HMCN2: variants seen among roughly 807,000 people sequenced by gnomAD.
The protein encoded by HMCN2 is hemicentin 2, also known as hemicentin-2.
HMCN2 carries 325 observed loss-of-function variants against 377.5 expected under a neutral mutation model. The observed-to-expected ratio is 0.86, with a 90% CI of 0.79 to 0.94. The LOEUF (loss-of-function observed/expected upper bound fraction) is 0.94. HMCN2 is among the 40% of genes least tolerant of loss of function. HMCN2 has a pLI of 0.00. For synonymous variants in HMCN2, 2,007 were observed against 2,046.8 expected (o/e 0.98, Z 0.53); for missense variants, 4,543 against 4,725.3 (o/e 0.96, Z 1.13).
chr9:130,352,828 G>T, intron 30 of HMCN2, 99 bp from the exon 31 acceptor site: 1 of 1,000,684 alleles, frequency 1.0e-6, no homozygotes, highest in South Asian at 1.7e-5. Context: ...GAAGCCTGTG[G>T]TGTGTCTTGT....
At chr9:130,319,282 C>T (rs1837724258) in intron 15 of HMCN2, among the ~76,000 whole-genome samples, 1 of 152,180 alleles carries the variant, frequency 6.6e-6, no homozygotes. Flanking sequence ...ACCCCACGCA[C>T]CATCCCACGA....
intron 4 of HMCN2, among the ~76,000 whole-genome samples, chr9:130,291,058 C>A (rs1001270776): frequency 2.0e-5 from 3 of 152,142 alleles, no homozygotes; most frequent in Non-Finnish European, 4.4e-5. Context: ...CAATCACAGA[C>A]CTTTTTCTAC....
At chr9:130,424,580 A>G (rs1844219359) in intron 87 of HMCN2, among the ~76,000 whole-genome samples, 196 bp from the exon 88 acceptor site, 1 of 152,206 alleles carries the variant, frequency 6.6e-6, no homozygotes, top group African/African-American at 2.4e-5. Context: ...TACTCCAGGA[A>G]GTAGATTATT....
chr9:130,425,949 C>T, intron 90 of HMCN2, 25 bp downstream of exon 90: 1 of 1,500,036 alleles, frequency 6.7e-7, no homozygotes, highest in Non-Finnish European at 9.0e-7. Flanking sequence ...CTTTGTTCCA[C>T]CCCCACTGCC....
intron 4 of HMCN2, among the ~76,000 whole-genome samples, chr9:130,290,805 A>G (rs1835706694): frequency 6.6e-6 from 1 of 150,894 alleles, no homozygotes; most frequent in Admixed American, 6.6e-5. Flanking sequence ...AATTCTTGTC[A>G]CGTGATAGTT....
rs891731485 is a variant in HMCN2 at position 130,351,067 on chromosome 9, G to A, written c.4431-356G>A. On this transcript the variant is annotated intron_variant, in intron 29 of 97. Transcript: ENST00000683500. The surrounding 1 kb of genome is among the most constrained non-coding windows in gnomAD (Gnocchi z 5.4). ...TCTCCCCAGCCCCTGGCAACCACAA[G>A]CCTGCTTTCCTTCTCTATGGACGTG... 4.6e-5 allele frequency among the ~76,000 whole-genome samples: 7 copies of A among 152,258 alleles called. No individual in the cohort carries two copies. The East Asian group carries it at 1.4e-3, about 29-fold the overall frequency.
chr9:130,430,527 C>T lies in HMCN2; in HGVS notation c.14570C>T (p.Pro4857Leu), dbSNP rs1329518223. 40 of 1,550,502 alleles carry T rather than the reference C, an allele frequency of 2.6e-5. No individual in the cohort carries two copies. Among genetic ancestry groups the T allele is most frequent in the East Asian group, 1.7e-4 (7 of 40,938 alleles). ...TACCACGCCTGGGTCTCTCTCCGTCCGGGTCCCATGGCCCTGAGCAGTGTG... is the reference window on the plus strand; with the variant it reads ...TACCACGCCTGGGTCTCTCTCCGTCTGGGTCCCATGGCCCTGAGCAGTGTG... ...TSYHAWVSLR[P>L]GPMALSSVGR... is the part of the protein sequence containing the mutation. The change falls in exon 95 of 98, where the codon CCG becomes CTG. Residue 4857 changes from proline (P) to leucine (L), a missense_variant. This residue lies in a region of HMCN2 where 1,155 missense variants were observed against 1,157.7 expected (regional missense o/e 1.00). Transcript: ENST00000683500.
chr9:130,282,201 C>A (rs950904401), intron 1 of HMCN2, among the ~76,000 whole-genome samples: 6 of 152,242 alleles, frequency 3.9e-5, no homozygotes. Context: ...AGGGCACGCT[C>A]ACGTTAGCAG....
Position 130,310,052 on chromosome 9 carries a change from G to A in HMCN2, c.2341G>A (p.Ala781Thr), listed in dbSNP as rs1837149558. Residue 781 changes from alanine to threonine, a missense_variant, in exon 15 of 98, where the codon GCG becomes ACG. Physicochemically the swap from Ala to Thr is moderately conservative, Grantham distance 58. Coordinates refer to ENST00000683500, the MANE Select transcript of HMCN2 (RefSeq NM_001291815.2). ...TGACGCCTCTGCAGAAATCCAGCTG[G>A]CGGTTGGACGTGAGTGTATACCTTG... ...LGDASAEIQL[A>T]VGHAPQLTEL... is the part of the protein sequence containing the mutation. The A allele has an allele frequency of 1.9e-6, 1 of 532,366 alleles. No individual in the cohort carries two copies. The highest frequency in any genetic ancestry group is 1.9e-5 in the African/African-American group (1 of 51,918). The allele number at this position is 532,366 out of a possible 1,614,324, so 33.0% of individuals were successfully genotyped here.
Position 130,428,271 on chromosome 9 carries a change from C to G in HMCN2, c.14066-87C>G. On this transcript the variant is annotated intron_variant, in intron 92 of 97. Coordinates refer to ENST00000683500, the MANE Select transcript of HMCN2 (RefSeq NM_001291815.2). This position sits in a 1 kb window ranked among gnomAD's most constrained non-coding sequence, Gnocchi z 5.0. ...TGGCTCCTGGGCCTGCGGACGAAGC[C>G]TCTGTGGATAGGCCGGGCCAGGGTC... is the stretch of plus-strand genomic sequence containing the variant. The G allele has an allele frequency of 7.0e-7, 1 of 1,419,352 alleles. No homozygotes were observed. Among genetic ancestry groups the G allele is most frequent in the Non-Finnish European group, 9.3e-7 (1 of 1,077,466 alleles). The allele number at this position is 1,419,352 out of a possible 1,614,324, so 87.9% of individuals were successfully genotyped here.
rs1330714505 is a variant in HMCN2 at position 130,425,737 on chromosome 9, CTCCACACAGCGCTTCT to C, written c.13697_13712del (p.Thr4566ArgfsTer137). 2 of 1,549,990 alleles carry C rather than the reference CTCCACACAGCGCTTCT, an allele frequency of 1.3e-6. No individual in the cohort carries two copies. Among genetic ancestry groups the C allele is most frequent in the Non-Finnish European group, 1.7e-6 (2 of 1,146,878 alleles). On this transcript the variant is annotated frameshift_variant, in exon 90 of 98. Transcript: ENST00000683500. LOFTEE classifies it high-confidence loss of function. ...CAGGGCCTGGCCAGCTGTTCGTGGGCTCCACACAGCGCTTCTTCCAGGGCGGCCTCCCCTCGTTCCT... is the reference window on the plus strand; with the variant it reads ...CAGGGCCTGGCCAGCTGTTCGTGGGCTCCAGGGCGGCCTCCCCTCGTTCCT...
intron 89 of HMCN2, 72 bp from the exon 90 acceptor site, chr9:130,425,614 TC>T: frequency 9.5e-7 from 1 of 1,054,292 alleles, no homozygotes; most frequent in Non-Finnish European, 1.4e-6. Context: ...ATTTTCCTCC[TC>T]CCCTTCCAAC....
At chr9:130,285,044 C>T in intron 2 of HMCN2, 114 bp from the exon 3 acceptor site, 2 of 389,864 alleles carry the variant, frequency 5.1e-6, no homozygotes, top group South Asian at 1.9e-5. Context: ...ACTGGGTGGG[C>T]AGGAGGTGAC....
Position 130,385,596 on chromosome 9 carries a change from A to G in HMCN2, c.9143A>G (p.Gln3048Arg), listed in dbSNP as rs1841979127. ...TTCAGGCAGGCTCCCAGAGGTCCCC[A>G]GGATGCGGTCCTGGTGAGGGTCGGG... ...PAFRQAPRGP[Q>R]DAVLVRVGDK... The change falls in exon 60 of 98, where the codon CAG (glutamine) becomes CGG (arginine). Residue 3048 changes from glutamine (Q) to arginine (R), a missense_variant. Gln to Arg is a conservative substitution (Grantham distance 43). Transcript: ENST00000683500. 7.7e-7 allele frequency: 1 copy of G among 1,304,142 alleles called. No homozygotes were observed. Among genetic ancestry groups the G allele is most frequent in the Non-Finnish European group, 1.0e-6 (1 of 988,888 alleles). The allele number at this position is 1,304,142 out of a possible 1,614,324, so 80.8% of individuals were successfully genotyped here.
intron 57 of HMCN2, among the ~76,000 whole-genome samples, chr9:130,384,059 T>C (rs1047024250): frequency 6.6e-6 from 1 of 152,114 alleles, no homozygotes; most frequent in Non-Finnish European, 1.5e-5. Context: ...GTGAGTTCTG[T>C]CTCCAGATGG....
In HMCN2 at chr9:130,335,886, G is replaced by A. The variant is rs906386705; in HGVS notation, c.3360-2008G>A. 7.8e-4 allele frequency among the ~76,000 whole-genome samples: 119 copies of A among 152,292 alleles called. 2 individuals are homozygous for A. Among genetic ancestry groups the A allele is most frequent in the Middle Eastern group, 3.4e-3 (1 of 294 alleles). Reference sequence around the variant, plus strand: ...GGCGGTTCCGCAGCCATTAGTATCAGCTACCTAGGGCTTTTTAGTAAAACC... The same window carrying A: ...GGCGGTTCCGCAGCCATTAGTATCAACTACCTAGGGCTTTTTAGTAAAACC... On this transcript the variant is annotated intron_variant, in intron 22 of 97. Coordinates refer to ENST00000683500, the MANE Select transcript of HMCN2 (RefSeq NM_001291815.2).
chr9:130,431,227 G>A (rs1263795320), intron 95 of HMCN2, 140 bp from the exon 96 acceptor site: 9 of 851,520 alleles, frequency 1.1e-5, no homozygotes, highest in Non-Finnish European at 1.6e-5. Flanking sequence ...CTGAACCTGG[G>A]CTGGGAGGGG....
In HMCN2 at chr9:130,304,599, A is replaced by C. The variant is rs1413467576; in HGVS notation, c.1544-131A>C. ...GCTGGTCACCCTATGCTGCTAGCTG[A>C]CATGTCCTGAATGATCTGGTTCGGG... On this transcript the variant is annotated intron_variant, in intron 10 of 97. Transcript: ENST00000683500. The surrounding 1 kb of genome is among the most constrained non-coding windows in gnomAD (Gnocchi z 4.3). 1 of 359,334 alleles carries C rather than the reference A, an allele frequency of 2.8e-6. No individual in the cohort carries two copies. The highest frequency in any genetic ancestry group is 5.6e-6 in the Non-Finnish European group (1 of 178,096). 22.3% of individuals were successfully genotyped at this position (359,334 alleles called of 1,614,324 possible). A position where few individuals can be genotyped will look rare whatever the true frequency, so the allele number is the denominator to read the frequency against.
chr9:130,325,261 A>G (rs1290366330), intron 19 of HMCN2, among the ~76,000 whole-genome samples: 3 of 151,004 alleles, frequency 2.0e-5, no homozygotes, highest in Non-Finnish European at 4.4e-5. Flanking sequence ...ATGCACAGCT[A>G]ATTTTTGTAT....
Sources: gnomAD v4.1 joint callset for allele counts (sites outside exome capture counted in the v4.1 genomes callset) on GRCh38, gnomAD v4.1.1 for gene constraint, gnomAD v4.1.1 regional missense constraint, Gnocchi (gnomAD v3.1) non-coding constraint, MANE v1.5 for transcripts, NCBI Gene and HGNC (gene_info 2026-07-23, HGNC 2026-07-21) for gene names.